The following ZNG1A variants were observed in gnomAD, a reference collection of about 807,000 sequenced individuals.
ZNG1A encodes zinc-regulated GTPase metalloprotein activator 1A.
the ZNG1A span, among the ~76,000 whole-genome samples, chr9:165,024 T>C: frequency 6.4e-4 from 98 of 152,336 alleles, no homozygotes; most frequent in African/African-American, 2.3e-3. Context: ...TTGACTCAAA[T>C]AGGATTTGTG....
At chr9:139,058 C>T in the ZNG1A span, among the ~76,000 whole-genome samples, 26 of 148,714 alleles carry the variant, frequency 1.7e-4, no homozygotes, top group Non-Finnish European at 2.8e-4. Flanking sequence ...TGGACATATA[C>T]GAGACTTACG....
At chr9:163,997 C>A in the ZNG1A span, 1 of 1,597,492 alleles carries the variant, frequency 6.3e-7, no homozygotes, top group Non-Finnish European at 8.5e-7. Context: ...AAATATCACT[C>A]CCTAATTCAG....
chr9:121,529 T>C, the ZNG1A span: 4 of 1,611,090 alleles, frequency 2.5e-6, no homozygotes, highest in Non-Finnish European at 3.4e-6. Flanking sequence ...TCTGTCACAG[T>C]AGCTATAAAC....
chr9:161,207 G>A, the ZNG1A span, among the ~76,000 whole-genome samples: 1 of 152,192 alleles, frequency 6.6e-6, no homozygotes, highest in Non-Finnish European at 1.5e-5. Context: ...GGTGGCTCAT[G>A]CCTGTAATCC....
the ZNG1A span, among the ~76,000 whole-genome samples, chr9:174,907 A>G: frequency 2.7e-3 from 402 of 150,518 alleles, 2 homozygotes; most frequent in African/African-American, 9.6e-3. Context: ...TTTCACAGAT[A>G]ACTTAAAATA....
the ZNG1A span, among the ~76,000 whole-genome samples, chr9:163,084 A>G: frequency 1.3e-5 from 2 of 150,942 alleles, no homozygotes; most frequent in African/African-American, 4.8e-5. Flanking sequence ...TACCCGCCAC[A>G]TATATTAGAG....
the ZNG1A span, chr9:154,402 T>C: frequency 1.9e-5 from 9 of 469,462 alleles, no homozygotes; most frequent in Non-Finnish European, 3.0e-5. Context: ...TTAACCATCC[T>C]GGGTAAAGTT....
chr9:146,046 A>C, the ZNG1A span: 1 of 1,337,812 alleles, frequency 7.5e-7, no homozygotes, highest in Non-Finnish European at 1.0e-6. Context: ...ATTCCTGTTA[A>C]CTATGGGGAA....
At chr9:136,021 T>G in the ZNG1A span, among the ~76,000 whole-genome samples, 1 of 70,188 alleles carries the variant, frequency 1.4e-5, no homozygotes, top group South Asian at 7.7e-4. Context: ...AGAAAAACAT[T>G]TCGAAAAATC....
chr9:154,605 T>C, the ZNG1A span: 1 of 825,222 alleles, frequency 1.2e-6, no homozygotes, highest in Non-Finnish European at 2.0e-6. Context: ...TTGAAGCAGC[T>C]CAACCTTATA....
At chr9:160,193 T>C in the ZNG1A span, 8 of 454,568 alleles carry the variant, frequency 1.8e-5, no homozygotes, top group African/African-American at 1.0e-4. Flanking sequence ...CCCATTAGCA[T>C]GATACCCCAT....
chr9:129,973 C>T, the ZNG1A span, among the ~76,000 whole-genome samples: 1 of 150,716 alleles, frequency 6.6e-6, no homozygotes, highest in African/African-American at 2.5e-5. Context: ...TAGCCTGTTG[C>T]TCCTAGGCTA....
At chr9:172,015 T>G in the ZNG1A span, 1 of 1,606,898 alleles carries the variant, frequency 6.2e-7, no homozygotes, top group Non-Finnish European at 8.5e-7. Flanking sequence ...TAGATATTCC[T>G]CTAATACATC....
At chr9:176,726 A>G in the ZNG1A span, among the ~76,000 whole-genome samples, 2 of 152,040 alleles carry the variant, frequency 1.3e-5, no homozygotes, top group African/African-American at 2.4e-5. Flanking sequence ...CAAGCCTGAG[A>G]CAGAGGCCCT....
the ZNG1A span, among the ~76,000 whole-genome samples, chr9:141,610 A>C: frequency 2.0e-5 from 3 of 151,446 alleles, no homozygotes; most frequent in Non-Finnish European, 4.4e-5. Flanking sequence ...AAGACCATCC[A>C]AGCTAGGAAG....
the ZNG1A span, chr9:149,395 A>G: frequency 6.6e-6 from 1 of 151,818 alleles, no homozygotes; most frequent in East Asian, 1.9e-4. Context: ...CCTGGAATAC[A>G]AAATCTTCCT....
the ZNG1A span, among the ~76,000 whole-genome samples, chr9:145,784 T>G: frequency 5.3e-5 from 8 of 151,946 alleles, no homozygotes; most frequent in Non-Finnish European, 7.4e-5. Flanking sequence ...GTGAAAACGC[T>G]AAGCTAAAAT....
the ZNG1A span, among the ~76,000 whole-genome samples, chr9:169,853 G>GTTTT: frequency 1.0e-5 from 1 of 96,752 alleles, no homozygotes; most frequent in Non-Finnish European, 2.0e-5. Flanking sequence ...TATAAACACA[G>GTTTT]CTTTTTTTTT....
the ZNG1A span, chr9:156,506 CA>C: frequency 6.3e-7 from 1 of 1,595,634 alleles, no homozygotes; most frequent in Non-Finnish European, 8.5e-7. Flanking sequence ...ATAAGGCCAT[CA>C]GGTTTCTCTT....
Sources: allele counts gnomAD v4.1 joint callset (sites outside exome capture counted in the v4.1 genomes callset), GRCh38; gene constraint gnomAD v4.1.1; transcripts MANE v1.5; gene names NCBI Gene and HGNC (gene_info 2026-07-23, HGNC 2026-07-21).